Variants in TMEM178B observed in about 807,000 individuals in gnomAD.
The protein encoded by TMEM178B is transmembrane protein 178B.
A neutral mutation model predicts 31.0 loss-of-function variants in TMEM178B; 5 were observed. That is an observed-to-expected ratio of 0.16 (90% confidence interval 0.08 to 0.34). The LOEUF (loss-of-function observed/expected upper bound fraction) is 0.34, where lower values mean the gene tolerates loss of function less well. Among genes scored for constraint, TMEM178B ranks in the 10% least tolerant of loss-of-function variants. TMEM178B has a pLI of 1.00. For missense variants in TMEM178B, 275 were observed against 400.3 expected, an observed-to-expected ratio of 0.69 and a Z score of 2.67; for synonymous variants, 164 against 164.0, an observed-to-expected ratio of 1.00 and a Z score of 0.00.
intron 2 of TMEM178B, among the ~76,000 whole-genome samples, chr7:141,288,681 T>G (rs1474298618): frequency 2.6e-5 from 4 of 152,154 alleles, no homozygotes; most frequent in Non-Finnish European, 4.4e-5. Flanking sequence ...GCTGGTCTCC[T>G]GATGCTTTGA....
At position 141,475,482 on chromosome 7, in the gene TMEM178B, A is replaced by C. The variant is rs1802346618; in HGVS notation, c.*4696A>C. 1 of 152,232 alleles carries C rather than the reference A, an allele frequency of 6.6e-6. No homozygotes were observed. 9.4% of individuals were successfully genotyped at this position (152,232 alleles called of 1,614,324 possible). On this transcript the variant is annotated 3_prime_UTR_variant, in exon 4 of 4. Coordinates refer to ENST00000565468, the MANE Select transcript of TMEM178B (RefSeq NM_001195278.2). Reference sequence around the variant, plus strand: ...CAAAAAAGACTACAAGATTTTTCATAATCCAGTCACTCTGAGGCATCTACC... The same window carrying C: ...CAAAAAAGACTACAAGATTTTTCATCATCCAGTCACTCTGAGGCATCTACC...
chr7:141,107,349 A>C (rs1315761499), intron 1 of TMEM178B, among the ~76,000 whole-genome samples: 1 of 152,224 alleles, frequency 6.6e-6, no homozygotes, highest in East Asian at 1.9e-4. Context: ...CATTCTGGGT[A>C]CTGTGTTGAC....
intron 2 of TMEM178B, among the ~76,000 whole-genome samples, chr7:141,257,584 G>T (rs1028446584): frequency 6.6e-6 from 1 of 152,086 alleles, no homozygotes; most frequent in African/African-American, 2.4e-5. Flanking sequence ...TTCCCACTCT[G>T]ACTGCAAAAA....
chr7:141,396,611 T>C (rs1421974314), intron 2 of TMEM178B, among the ~76,000 whole-genome samples: 1 of 152,190 alleles, frequency 6.6e-6, no homozygotes, highest in Non-Finnish European at 1.5e-5. Context: ...CCTTTCTTCC[T>C]CCCATCATAA....
At chr7:141,391,080 G>T (rs1800526645) in intron 2 of TMEM178B, among the ~76,000 whole-genome samples, 1 of 152,174 alleles carries the variant, frequency 6.6e-6, no homozygotes, top group Non-Finnish European at 1.5e-5. Context: ...GGCCAAAGAG[G>T]CTGGGCAGGA....
At chr7:141,127,333 C>T (rs1795515074) in intron 1 of TMEM178B, among the ~76,000 whole-genome samples, 1 of 152,168 alleles carries the variant, frequency 6.6e-6, no homozygotes, top group Admixed American at 6.5e-5. Flanking sequence ...TGTTCATGTC[C>T]TAACCCCTAG....
At chr7:141,319,436 G>T (rs1190852553) in intron 2 of TMEM178B, among the ~76,000 whole-genome samples, 2 of 152,162 alleles carry the variant, frequency 1.3e-5, no homozygotes, top group Non-Finnish European at 2.9e-5. Flanking sequence ...GTCAGGCCTG[G>T]GGGGAGTTTA....
chr7:141,236,457 G>A (rs923673392), intron 2 of TMEM178B, among the ~76,000 whole-genome samples: 2 of 152,218 alleles, frequency 1.3e-5, no homozygotes, highest in Non-Finnish European at 2.9e-5. Flanking sequence ...GTAAGCAGGG[G>A]CACTGGGGCA....
intron 2 of TMEM178B, among the ~76,000 whole-genome samples, chr7:141,359,708 T>C (rs1245725655): frequency 6.6e-6 from 1 of 152,194 alleles, no homozygotes; most frequent in Non-Finnish European, 1.5e-5. Flanking sequence ...TTTTGGCCAG[T>C]CGTATTCTTG....
At chr7:141,097,791 TTC>T (rs1248570705) in intron 1 of TMEM178B, among the ~76,000 whole-genome samples, 12 of 135,622 alleles carry the variant, frequency 8.8e-5, no homozygotes, top group African/African-American at 2.9e-4. Context: ...TTTTCTTTCT[TTC>T]TTTTTTTTTT....
intron 1 of TMEM178B, among the ~76,000 whole-genome samples, chr7:141,208,479 C>T: frequency 6.6e-6 from 1 of 152,254 alleles, no homozygotes; most frequent in East Asian, 1.9e-4. Context: ...AAGCCCAGCA[C>T]ACTGACAGGA....
chr7:141,196,280 CTT>C (rs1331338577), intron 1 of TMEM178B, among the ~76,000 whole-genome samples: 3 of 152,070 alleles, frequency 2.0e-5, no homozygotes, highest in East Asian at 1.9e-4. Context: ...GGTTTTCACT[CTT>C]TTTTGCAAGC....
chr7:141,377,551 A>C (rs1290920793), intron 2 of TMEM178B, among the ~76,000 whole-genome samples: 1 of 152,086 alleles, frequency 6.6e-6, no homozygotes, highest in Non-Finnish European at 1.5e-5. Context: ...GACACCTGTA[A>C]TCACGGCTAC....
Position 141,368,954 on chromosome 7 carries a change from G to C in TMEM178B, c.497-68654G>C, listed in dbSNP as rs551396048. Among the ~76,000 whole-genome samples, 197 of 152,310 alleles carry C rather than the reference G, an allele frequency of 1.3e-3. 3 individuals carry two copies. The South Asian group carries it at 0.039, about 30-fold the overall frequency. On this transcript the variant is annotated intron_variant, in intron 2 of 3. Transcript: ENST00000565468. ...GGGGTTGTTAGTGAGTGTTTGACTT[G>C]GTGGGAAAGACTGACATGTGGGCCG...
intron 1 of TMEM178B, among the ~76,000 whole-genome samples, chr7:141,147,924 GAGA>G (rs1361509133): frequency 6.6e-6 from 1 of 152,202 alleles, no homozygotes; most frequent in Non-Finnish European, 1.5e-5. Context: ...ATGTACAGGG[GAGA>G]AGAAGAGAAC....
intron 2 of TMEM178B, among the ~76,000 whole-genome samples, chr7:141,262,500 TATATC>T (rs1798030277): frequency 7.4e-6 from 1 of 134,924 alleles, no homozygotes; most frequent in Non-Finnish European, 1.6e-5. Context: ...TATATATATA[TATATC>T]CCTCCCTGCC....
chr7:141,226,773 G>C (rs1394073450), intron 2 of TMEM178B, among the ~76,000 whole-genome samples: 1 of 149,128 alleles, frequency 6.7e-6, no homozygotes, highest in African/African-American at 2.5e-5. Flanking sequence ...CATGAGAATT[G>C]CTTGAACCCA....
chr7:141,238,801 G>C (rs1797570125), intron 2 of TMEM178B, among the ~76,000 whole-genome samples: 1 of 152,202 alleles, frequency 6.6e-6, no homozygotes, highest in South Asian at 2.1e-4. Flanking sequence ...GAGTGCTGCT[G>C]GGTTCTGTGT....
At chr7:141,103,951 A>T (rs140079810) in intron 1 of TMEM178B, among the ~76,000 whole-genome samples, 45 of 152,270 alleles carry the variant, frequency 3.0e-4, no homozygotes, top group African/African-American at 1.1e-3. Flanking sequence ...ATCACTGTTG[A>T]CAGAAGAGTA....
Sources: gnomAD v4.1 joint callset for allele counts (sites outside exome capture counted in the v4.1 genomes callset) on GRCh38, gnomAD v4.1.1 for gene constraint, MANE v1.5 for transcripts, NCBI Gene and HGNC (gene_info 2026-07-23, HGNC 2026-07-21) for gene names.